C1QA: variants seen among roughly 807,000 people sequenced by gnomAD.
C1QA encodes the protein complement C1q A chain.
A neutral mutation model predicts 6.9 loss-of-function variants in C1QA; 3 were observed. That is an observed-to-expected ratio of 0.44 (90% CI 0.20 to 1.12). The LOEUF (loss-of-function observed/expected upper bound fraction) is 1.12. Ranked by LOEUF, C1QA falls within the 50% of genes most tolerant of loss-of-function variation. The pLI, the probability that C1QA is intolerant of heterozygous loss-of-function variation, is 0.27. For synonymous variants in C1QA, 128 were observed against 134.1 expected (o/e 0.95, Z 0.31); for missense variants, 273 against 326.6 (o/e 0.84, Z 1.26).
rs141848434 is a variant in C1QA at position 22,637,463 on chromosome 1, G to A, written c.-7-147G>A. ...GTATATGCGTGGGGTCCTGGGGCTG[G>A]ATTGAGAGTGGACATTGAGAGCCCC... On this transcript the variant is annotated intron_variant, in intron 1 of 2. Coordinates refer to ENST00000374642, the MANE Select transcript of C1QA (RefSeq NM_015991.4). This position sits in a 1 kb window ranked among gnomAD's most constrained non-coding sequence, Gnocchi z 4.4. The A allele has an allele frequency of 3.1e-6, 3 of 982,846 alleles. No homozygotes were observed. The African/African-American group carries it at 4.8e-5, about 16-fold the overall frequency. 60.9% of individuals were successfully genotyped at this position (982,846 alleles called of 1,614,324 possible). A position where few individuals can be genotyped will look rare whatever the true frequency, so the allele number is the denominator to read the frequency against.
At position 22,639,003 on chromosome 1, in the gene C1QA, C is replaced by T. The variant is rs1334142146; in HGVS notation, c.334C>T (p.Gln112Ter). The T allele has an allele frequency of 1.2e-6, 2 of 1,613,254 alleles. No homozygotes were observed. Among genetic ancestry groups the T allele is most frequent in the Admixed American group, 1.7e-5 (1 of 59,840 alleles). ...TKGSPGNIKD[Q>*]PRPAFSAIRR... ...GGGCAGCCCAGGAAACATCAAGGACCAGCCGAGGCCAGCCTTCTCCGCCAT... is the reference window on the plus strand; with the variant it reads ...GGGCAGCCCAGGAAACATCAAGGACTAGCCGAGGCCAGCCTTCTCCGCCAT... Residue 112 changes from glutamine (Q) to a stop codon, truncating the protein, a stop_gained, in exon 3 of 3, where the codon CAG becomes TAG. Transcript: ENST00000374642. LOFTEE classifies it low-confidence loss of function (END_TRUNC). This position sits in a 1 kb window ranked among gnomAD's most constrained non-coding sequence, Gnocchi z 4.6.
chr1:22,639,161 G>C lies in C1QA; in HGVS notation c.492G>C (p.Gln164His). Residue 164 changes from glutamine to histidine, a missense_variant, in exon 3 of 3, where the codon CAG (glutamine) becomes CAC (histidine). Gln to His is a conservative substitution (Grantham distance 24). Transcript: ENST00000374642. The surrounding 1 kb of genome is among the most constrained non-coding windows in gnomAD (Gnocchi z 4.6). ...TVPGYYYFTF[Q>H]VLSQWEICLS... ...CCGGCTACTACTACTTCACCTTCCA[G>C]GTGCTGTCCCAGTGGGAAATCTGCC... 1 of 1,614,220 alleles carries C rather than the reference G, an allele frequency of 6.2e-7. No individual in the cohort carries two copies. Among genetic ancestry groups the C allele is most frequent in the Non-Finnish European group, 8.5e-7 (1 of 1,180,030 alleles).
chr1:22,638,838 C>T lies in C1QA; in HGVS notation c.169C>T (p.Pro57Ser), dbSNP rs1484586103. 8.2e-6 allele frequency: 13 copies of T among 1,580,666 alleles called. No homozygotes were observed. Among genetic ancestry groups the T allele is most frequent in the Non-Finnish European group, 1.1e-5 (13 of 1,163,982 alleles). The change falls in exon 3 of 3, where the codon CCT (proline) becomes TCT (serine). Residue 57 changes from proline to serine, a missense_variant. By Grantham distance (74) the Pro-to-Ser change is moderately conservative (BLOSUM62 -1). Transcript: ENST00000374642. ...TCTGGCATTTCTCCCCACAGGGGCC[C>T]CTGGCATCCGGACAGGCATCCAAGG... The part of the protein sequence containing the change: ...LKGEQGEPGA[P>S]GIRTGIQGLK...
chr1:22,639,136 C>T lies in C1QA; in HGVS notation c.467C>T (p.Pro156Leu). The change falls in exon 3 of 3, where the codon CCC becomes CTC. Residue 156 changes from proline to leucine, a missense_variant. Coordinates refer to ENST00000374642, the MANE Select transcript of C1QA (RefSeq NM_015991.4). This position sits in a 1 kb window ranked among gnomAD's most constrained non-coding sequence, Gnocchi z 4.6. ...TCCGGCCGATTCGTCTGCACTGTAC[C>T]CGGCTACTACTACTTCACCTTCCAG... is the stretch of plus-strand genomic sequence containing the variant. ...NHSGRFVCTV[P>L]GYYYFTFQVL... 6.2e-7 allele frequency: 1 copy of T among 1,614,244 alleles called. No homozygotes were observed. Among genetic ancestry groups the T allele is most frequent in the Non-Finnish European group, 8.5e-7 (1 of 1,180,040 alleles).
intron 2 of C1QA, among the ~76,000 whole-genome samples, chr1:22,638,514 G>A (rs17880338): frequency 0.012 from 1,761 of 152,290 alleles, 25 homozygotes; most frequent in African/African-American, 0.04. Context: ...CTGAAGCCAA[G>A]TCAAGGTCAG....
Position 22,639,019 on chromosome 1 carries a change from TCTC to T in C1QA, c.352_354del (p.Ser118del), listed in dbSNP as rs1267697783. 1.2e-6 allele frequency: 2 copies of T among 1,613,766 alleles called. No individual in the cohort carries two copies. The highest frequency in any genetic ancestry group is 2.7e-5 in the African/African-American group (2 of 74,920). ...ATCAAGGACCAGCCGAGGCCAGCCT[TCTC>T]CGCCATTCGGCGGAACCCCCCAATG... On this transcript the variant is annotated inframe_deletion, in exon 3 of 3. Coordinates refer to ENST00000374642, the MANE Select transcript of C1QA (RefSeq NM_015991.4). The surrounding 1 kb of genome is among the most constrained non-coding windows in gnomAD (Gnocchi z 4.6).
At position 22,637,788 on chromosome 1, in the gene C1QA, C is replaced by A; in HGVS notation, c.163+9C>A. 1 of 1,561,906 alleles carries A rather than the reference C, an allele frequency of 6.4e-7. No homozygotes were observed. On this transcript the variant is annotated intron_variant, in intron 2 of 2. Coordinates refer to ENST00000374642, the MANE Select transcript of C1QA (RefSeq NM_015991.4). The surrounding 1 kb of genome is among the most constrained non-coding windows in gnomAD (Gnocchi z 4.4). ...GGAGCAAGGGGAGCCGGGTAAGCAC[C>A]CTTCCTCGGGACCCAGCCCCTTGGA...
intron 2 of C1QA, among the ~76,000 whole-genome samples, 173 bp from the exon 3 acceptor site, chr1:22,638,660 G>A (rs1176361437): frequency 1.3e-5 from 2 of 152,216 alleles, no homozygotes; most frequent in Non-Finnish European, 2.9e-5. Flanking sequence ...ATGAAGTGGA[G>A]GCTCAGAGAG....
intron 2 of C1QA, among the ~76,000 whole-genome samples, chr1:22,638,014 T>G (rs1488701463): frequency 2.6e-5 from 4 of 152,204 alleles, no homozygotes; most frequent in African/African-American, 9.7e-5. Context: ...CGGCTTCACC[T>G]TCCCCCTCTG....
At chr1:22,636,552 A>C (rs900328409), upstream of C1QA, 2 of 152,440 alleles carry the variant, frequency 1.3e-5, no homozygotes, top group African/African-American at 4.8e-5. Context: ...GCTTCTGGCC[A>C]CTGGGGAAGT....
Position 22,639,414 on chromosome 1 carries a change from G to A in C1QA, c.*7G>A. The A allele has an allele frequency of 5.0e-6, 8 of 1,612,276 alleles. No individual in the cohort carries two copies. The highest frequency in any genetic ancestry group is 6.8e-6 in the Non-Finnish European group (8 of 1,179,988). ...CATCTTCCCATCTGCCTGAGCCAGG[G>A]AAGGACCCCCTCCCCCACCCACCTC... On this transcript the variant is annotated 3_prime_UTR_variant, in exon 3 of 3. Transcript: ENST00000374642. The surrounding 1 kb of genome is among the most constrained non-coding windows in gnomAD (Gnocchi z 4.6).
Position 22,637,745 on chromosome 1 carries a change from G to A in C1QA, c.129G>A (p.Gly43=), listed in dbSNP as rs753671365. Residue 43 remains glycine (G), a synonymous_variant, in exon 2 of 3, where the codon GGG becomes GGA. Transcript: ENST00000374642. This position sits in a 1 kb window ranked among gnomAD's most constrained non-coding sequence, Gnocchi z 4.4. ...KGEAGRPGRR[G]RPGLKGEQGE... Reference sequence around the variant, plus strand: ...AGGCAGGAAGACCTGGCAGACGGGGGCGGCCAGGCCTCAAGGGGGAGCAAG... The same window carrying A: ...AGGCAGGAAGACCTGGCAGACGGGGACGGCCAGGCCTCAAGGGGGAGCAAG... 6.2e-7 allele frequency: 1 copy of A among 1,605,228 alleles called. No individual in the cohort carries two copies. Among genetic ancestry groups the A allele is most frequent in the Non-Finnish European group, 8.5e-7 (1 of 1,176,516 alleles).
In C1QA at chr1:22,637,503, C is replaced by A; in HGVS notation, c.-7-107C>A. The stretch of plus-strand genomic sequence containing the variant: ...TTGAGAGCCCCAGAGGGTGCATGTG[C>A]ACTTGGGGAGGACTGTGCATATATC... On this transcript the variant is annotated intron_variant, in intron 1 of 2. Transcript: ENST00000374642. This position sits in a 1 kb window ranked among gnomAD's most constrained non-coding sequence, Gnocchi z 4.4. 7.2e-7 allele frequency: 1 copy of A among 1,388,100 alleles called. No individual in the cohort carries two copies. The highest frequency in any genetic ancestry group is 1.0e-6 in the Non-Finnish European group (1 of 999,686). The allele number at this position is 1,388,100 out of a possible 1,614,324, so 86.0% of individuals were successfully genotyped here.
In C1QA at chr1:22,638,937, C is replaced by G; in HGVS notation, c.268C>G (p.Pro90Ala). ...GGTGGGCTACCCAGGGCCCAGCGGCCCCCTCGGAGCCCGTGGCATCCCGGG... is the reference window on the plus strand; with the variant it reads ...GGTGGGCTACCCAGGGCCCAGCGGCGCCCTCGGAGCCCGTGGCATCCCGGG... ...GKVGYPGPSG[P>A]LGARGIPGIK... The change falls in exon 3 of 3, where the codon CCC becomes GCC. Residue 90 changes from proline (P) to alanine (A), a missense_variant. Physicochemically the swap from Pro to Ala is conservative, Grantham distance 27. Coordinates refer to ENST00000374642, the MANE Select transcript of C1QA (RefSeq NM_015991.4). The G allele has an allele frequency of 6.3e-7, 1 of 1,599,170 alleles. No individual in the cohort carries two copies. The highest frequency in any genetic ancestry group is 1.8e-5 in the Admixed American group (1 of 57,094).
Position 22,639,052 on chromosome 1 carries a change from G to A in C1QA, c.383G>A (p.Gly128Asp), listed in dbSNP as rs1642226472. The A allele has an allele frequency of 6.2e-7, 1 of 1,614,256 alleles. No homozygotes were observed. The highest frequency in any genetic ancestry group is 8.5e-7 in the Non-Finnish European group (1 of 1,180,054). The change falls in exon 3 of 3, where the codon GGC becomes GAC. Residue 128 changes from glycine (G) to aspartate (D), a missense_variant. Coordinates refer to ENST00000374642, the MANE Select transcript of C1QA (RefSeq NM_015991.4). This position sits in a 1 kb window ranked among gnomAD's most constrained non-coding sequence, Gnocchi z 4.6. ...SAIRRNPPMG[G>D]NVVIFDTVIT... ...ATTCGGCGGAACCCCCCAATGGGGG[G>A]CAACGTGGTCATCTTCGACACGGTC...
At chr1:22,638,699 C>T in intron 2 of C1QA, 134 bp from the exon 3 acceptor site, 1 of 993,340 alleles carries the variant, frequency 1.0e-6, no homozygotes, top group Non-Finnish European at 1.6e-6. Flanking sequence ...AGTCACACAG[C>T]CAATCAGAAT....
At position 22,639,123 on chromosome 1, in the gene C1QA, G is replaced by A. The variant is rs201517118; in HGVS notation, c.454G>A (p.Val152Ile). The A allele has an allele frequency of 3.7e-6, 6 of 1,614,128 alleles. No individual in the cohort carries two copies. The highest frequency in any genetic ancestry group is 4.2e-6 in the Non-Finnish European group (5 of 1,180,046). ...GTACCAGAACCACTCCGGCCGATTC[G>A]TCTGCACTGTACCCGGCTACTACTA... ...EPYQNHSGRF[V>I]CTVPGYYYFT... The change falls in exon 3 of 3, where the codon GTC becomes ATC. Residue 152 changes from valine to isoleucine, a missense_variant. By Grantham distance (29) the Val-to-Ile change is conservative (BLOSUM62 3). Transcript: ENST00000374642. The surrounding 1 kb of genome is among the most constrained non-coding windows in gnomAD (Gnocchi z 4.6).
At position 22,637,257 on chromosome 1, in the gene C1QA, G is replaced by A. The variant is rs999821536; in HGVS notation, c.-7-353G>A. ...TGGGAGTGTATGAATGTGTGTGTCC[G>A]TGCAAGTGAGGGACAGGGTCTATTT... On this transcript the variant is annotated intron_variant, in intron 1 of 2. Coordinates refer to ENST00000374642, the MANE Select transcript of C1QA (RefSeq NM_015991.4). This position sits in a 1 kb window ranked among gnomAD's most constrained non-coding sequence, Gnocchi z 4.4. Among the ~76,000 whole-genome samples the A allele has an allele frequency of 1.3e-5, 2 of 152,212 alleles. No individual in the cohort carries two copies. Among genetic ancestry groups the A allele is most frequent in the East Asian group, 1.9e-4 (1 of 5,204 alleles).
At position 22,639,356 on chromosome 1, in the gene C1QA, C is replaced by T. The variant is rs747258468; in HGVS notation, c.687C>T (p.Gly229=). 4 of 1,614,094 alleles carry T rather than the reference C, an allele frequency of 2.5e-6. No individual in the cohort carries two copies. Among genetic ancestry groups the T allele is most frequent in the South Asian group, 1.1e-5 (1 of 91,082 alleles). ...CCAAAAAGGGTCACATTTACCAGGG[C>T]TCTGAGGCCGACAGCGTCTTCAGCG... ...KDPKKGHIYQ[G]SEADSVFSGF... The change falls in exon 3 of 3, where the codon GGC becomes GGT. Residue 229 remains glycine (G), a synonymous_variant. Transcript: ENST00000374642. The surrounding 1 kb of genome is among the most constrained non-coding windows in gnomAD (Gnocchi z 4.6).
Sources: gnomAD v4.1 joint callset for allele counts (sites outside exome capture counted in the v4.1 genomes callset) on GRCh38, gnomAD v4.1.1 for gene constraint, Gnocchi (gnomAD v3.1) non-coding constraint, MANE v1.5 for transcripts, NCBI Gene and HGNC (gene_info 2026-07-23, HGNC 2026-07-21) for gene names.